Variants in KLF12 observed in about 807,000 individuals in gnomAD.
KLF12 encodes the protein Krueppel-like factor 12.
Under a neutral mutation model 37.8 loss-of-function variants are expected in KLF12, and 9 were observed. The ratio of observed to expected loss-of-function variants is 0.24; its 90% CI spans 0.14 to 0.42. KLF12 has a LOEUF of 0.42. KLF12 is among the 10% of genes least tolerant of loss of function. The pLI, the probability that KLF12 is intolerant of heterozygous loss-of-function variation, is 1.00. For synonymous variants in KLF12, 208 were observed against 202.1 expected, an observed-to-expected ratio of 1.03 and a Z score of -0.25; for missense variants, 411 against 516.0, an observed-to-expected ratio of 0.80 and a Z score of 1.97.
the KLF12 span, among the ~76,000 whole-genome samples, chr13:74,165,661 A>C: frequency 8.5e-5 from 13 of 152,152 alleles, no homozygotes; most frequent in African/African-American, 2.9e-4. Flanking sequence ...ACCAGGTTTA[A>C]ATCTTCACAT....
chr13:74,172,692 T>A, the KLF12 span, among the ~76,000 whole-genome samples: 1 of 152,200 alleles, frequency 6.6e-6, no homozygotes, highest in African/African-American at 2.4e-5. Flanking sequence ...TTGTGTTTCA[T>A]TGGCCAGAAT....
chr13:73,865,059 A>C (rs1369000902), intron 3 of KLF12, among the ~76,000 whole-genome samples: 1 of 152,158 alleles, frequency 6.6e-6, no homozygotes, highest in Non-Finnish European at 1.5e-5. Context: ...GGCCCCTTCC[A>C]CTAAACAAAA....
At chr13:73,916,585 C>G (rs143143134) in intron 3 of KLF12, among the ~76,000 whole-genome samples, 1 of 152,144 alleles carries the variant, frequency 6.6e-6, no homozygotes, top group Admixed American at 6.5e-5. Flanking sequence ...TAAACACTGT[C>G]AATGTCTTTG....
At chr13:73,820,860 C>T (rs1883489002) in intron 4 of KLF12, among the ~76,000 whole-genome samples, 1 of 152,172 alleles carries the variant, frequency 6.6e-6, no homozygotes, top group Non-Finnish European at 1.5e-5. Context: ...TTCCTTTTCA[C>T]TTTCATTTCT....
the KLF12 span, chr13:74,231,533 A>G: frequency 2.6e-5 from 4 of 152,188 alleles, no homozygotes; most frequent in East Asian, 7.7e-4. Context: ...CTCCCTCCAA[A>G]TAGCCTGCTC....
intron 4 of KLF12, among the ~76,000 whole-genome samples, chr13:73,841,992 G>A (rs17061555): frequency 0.2 from 30,589 of 151,996 alleles, 3,804 homozygotes; most frequent in East Asian, 0.49. Flanking sequence ...TAGAGATGTC[G>A]GGGTGTTCTG....
At chr13:74,043,895 T>A (rs1385043999) in intron 1 of KLF12, among the ~76,000 whole-genome samples, 1 of 152,218 alleles carries the variant, frequency 6.6e-6, no homozygotes, top group Non-Finnish European at 1.5e-5. Flanking sequence ...TTACTAACAA[T>A]CTTGCAGAGA....
chr13:73,757,401 A>G (rs911492260), intron 6 of KLF12, among the ~76,000 whole-genome samples: 1 of 152,212 alleles, frequency 6.6e-6, no homozygotes, highest in Non-Finnish European at 1.5e-5. Flanking sequence ...TACTGGTCTT[A>G]CCTTAGGCAA....
intron 3 of KLF12, among the ~76,000 whole-genome samples, chr13:73,871,398 C>A (rs1199584294): frequency 6.6e-6 from 1 of 152,098 alleles, no homozygotes; most frequent in African/African-American, 2.4e-5. Context: ...TAGAGTGGTT[C>A]GTGTTTCCTG....
At chr13:74,077,379 G>A (rs542989130) in intron 1 of KLF12, among the ~76,000 whole-genome samples, 1 of 152,162 alleles carries the variant, frequency 6.6e-6, no homozygotes, top group South Asian at 2.1e-4. Flanking sequence ...CTATACTCAA[G>A]GGTATATTCT....
chr13:74,248,911 G>C, the KLF12 span, among the ~76,000 whole-genome samples: 1 of 152,144 alleles, frequency 6.6e-6, no homozygotes, highest in Non-Finnish European at 1.5e-5. Context: ...AGGGACGTGA[G>C]AAGGGTGGGG....
intron 3 of KLF12, among the ~76,000 whole-genome samples, chr13:73,889,579 T>C (rs1000119180): frequency 4.6e-5 from 7 of 152,182 alleles, no homozygotes; most frequent in Non-Finnish European, 8.8e-5. Flanking sequence ...AATACCTGAC[T>C]GCTAAGAAAA....
At chr13:73,856,256 A>G (rs1044956879) in intron 3 of KLF12, among the ~76,000 whole-genome samples, 1 of 152,210 alleles carries the variant, frequency 6.6e-6, no homozygotes, top group African/African-American at 2.4e-5. Flanking sequence ...TCTGCTAATC[A>G]GGTGTGAGTT....
chr13:73,816,657 G>A (rs941173671), intron 4 of KLF12, among the ~76,000 whole-genome samples: 2 of 152,150 alleles, frequency 1.3e-5, no homozygotes, highest in African/African-American at 4.8e-5. Flanking sequence ...GCCCTGATGT[G>A]GCCACTTCTC....
chr13:74,172,715 T>A, the KLF12 span, among the ~76,000 whole-genome samples: 22 of 152,328 alleles, frequency 1.4e-4, 1 homozygote, highest in East Asian at 4.2e-3. Context: ...ATCACGTGCC[T>A]TTCCCCATAC....
At chr13:74,185,780 G>A in the KLF12 span, among the ~76,000 whole-genome samples, 1 of 152,108 alleles carries the variant, frequency 6.6e-6, no homozygotes, top group Non-Finnish European at 1.5e-5. Context: ...CCAAGTAGCT[G>A]GGATTACAGC....
chr13:74,301,380 T>C, the KLF12 span, among the ~76,000 whole-genome samples: 1 of 152,172 alleles, frequency 6.6e-6, no homozygotes, highest in Non-Finnish European at 1.5e-5. Flanking sequence ...CAGTCCCCAA[T>C]ACAGCATTTT....
intron 1 of KLF12, among the ~76,000 whole-genome samples, chr13:74,095,428 AT>A (rs1875927129): frequency 1.3e-5 from 2 of 151,180 alleles, no homozygotes; most frequent in Non-Finnish European, 3.0e-5. Context: ...TCACTCTGTC[AT>A]CCAGGCTGGA....
At chr13:73,861,047 T>G (rs1170201127) in intron 3 of KLF12, among the ~76,000 whole-genome samples, 2 of 152,192 alleles carry the variant, frequency 1.3e-5, no homozygotes, top group African/African-American at 4.8e-5. Flanking sequence ...AATTTATAAT[T>G]AGCATCTCTC....
Sources: gnomAD v4.1 joint callset for allele counts (sites outside exome capture counted in the v4.1 genomes callset) on GRCh38, gnomAD v4.1.1 for gene constraint, MANE v1.5 for transcripts, NCBI Gene and HGNC (gene_info 2026-07-23, HGNC 2026-07-21) for gene names.